Variants in G2E3 observed in about 807,000 individuals in gnomAD.
G2E3 encodes G2/M phase-specific E3 ubiquitin-protein ligase.
In G2E3, 35 loss-of-function variants were observed where a neutral mutation model predicts 92.8. The observed-to-expected ratio is 0.38, with a 90% CI of 0.29 to 0.50. G2E3 has a LOEUF of 0.50. Among genes scored for constraint, G2E3 ranks in the 20% least tolerant of loss-of-function variants. G2E3 has a pLI of 0.94. For missense variants in G2E3, 554 were observed against 823.8 expected (o/e 0.67, Z 4.01); for synonymous variants, 242 against 272.4 (o/e 0.89, Z 1.10).
At chr14:30,597,347 GTTC>G in intron 6 of G2E3, 70 bp from the exon 7 acceptor site, 1 of 795,748 alleles carries the variant, frequency 1.3e-6, no homozygotes, top group South Asian at 1.5e-5. Context: ...AATAGCACAT[GTTC>G]TGTTACATAA....
At chr14:30,588,981 A>G (rs762169893) in intron 3 of G2E3, among the ~76,000 whole-genome samples, 3 of 152,128 alleles carry the variant, frequency 2.0e-5, no homozygotes, top group Non-Finnish European at 4.4e-5. Context: ...TTAGCCTGAA[A>G]TGTCACTGAA....
At chr14:30,579,410 A>G (rs1275962202) in intron 1 of G2E3, among the ~76,000 whole-genome samples, 3 of 152,218 alleles carry the variant, frequency 2.0e-5, no homozygotes, top group African/African-American at 7.2e-5. Flanking sequence ...GATTTGAACT[A>G]TGACTTTTTA....
intron 11 of G2E3, 23 bp from the exon 12 acceptor site, chr14:30,607,863 GAT>G (rs1881904830): frequency 1.5e-6 from 2 of 1,297,522 alleles, no homozygotes; most frequent in Admixed American, 4.1e-5. Context: ...AAGTGTATTT[GAT>G]ATATTTTCAT....
At chr14:30,598,237 C>T (rs1423043174) in intron 7 of G2E3, 7 of 334,304 alleles carry the variant, frequency 2.1e-5, no homozygotes, top group Admixed American at 1.2e-4. Context: ...AATACAAAAA[C>T]CAGCCGGGCA....
At chr14:30,560,941 C>G in intron 1 of G2E3, 2 of 621,056 alleles carry the variant, frequency 3.2e-6, no homozygotes, top group Non-Finnish European at 5.8e-6. Context: ...GCCAGATTGC[C>G]TTGGTTTGAA....
intron 1 of G2E3, among the ~76,000 whole-genome samples, chr14:30,564,925 G>C: frequency 6.6e-6 from 1 of 152,122 alleles, no homozygotes; most frequent in East Asian, 1.9e-4. Flanking sequence ...TTTGTGAATA[G>C]TGCTGCTGTG....
At position 30,618,980 on chromosome 14, in the gene G2E3, T is replaced by G. The variant is rs979167596; in HGVS notation, c.*2446T>G. On this transcript the variant is annotated 3_prime_UTR_variant, in exon 15 of 15. Transcript: ENST00000206595. ...GGCTGTTTTCTCTTGCTCTTAATGTTGAGGAAAACTATAAATTGATCTATA... is the reference window on the plus strand; with the variant it reads ...GGCTGTTTTCTCTTGCTCTTAATGTGGAGGAAAACTATAAATTGATCTATA... 28 of 152,110 alleles carry G rather than the reference T, an allele frequency of 1.8e-4. No individual in the cohort carries two copies. Among genetic ancestry groups the G allele is most frequent in the African/African-American group, 6.3e-4 (26 of 41,460 alleles). The allele number at this position is 152,110 out of a possible 1,614,324, so 9.4% of individuals were successfully genotyped here.
At chr14:30,591,620 A>G (rs186012435) in intron 4 of G2E3, among the ~76,000 whole-genome samples, 13 of 152,198 alleles carry the variant, frequency 8.5e-5, no homozygotes, top group African/African-American at 2.9e-4. Context: ...GCATAACTCC[A>G]ATCTGTTTCT....
At chr14:30,561,445 C>G (rs1594453515) in intron 1 of G2E3, among the ~76,000 whole-genome samples, 1 of 152,152 alleles carries the variant, frequency 6.6e-6, no homozygotes. Context: ...CTTAGCTTTG[C>G]TTTTTATTTA....
At chr14:30,569,744 G>T (rs1200755463) in intron 1 of G2E3, among the ~76,000 whole-genome samples, 1 of 152,064 alleles carries the variant, frequency 6.6e-6, no homozygotes, top group African/African-American at 2.4e-5. Flanking sequence ...CTGGTGAAGG[G>T]GGGGGATTAT....
At chr14:30,559,912 C>G (rs1878988724) in intron 1 of G2E3, 1 of 152,156 alleles carries the variant, frequency 6.6e-6, no homozygotes, top group Non-Finnish European at 1.5e-5. Context: ...ATCCGAGACT[C>G]CTATTTAAAC....
At chr14:30,568,215 A>AT (rs927790758) in intron 1 of G2E3, among the ~76,000 whole-genome samples, 8 of 152,124 alleles carry the variant, frequency 5.3e-5, no homozygotes, top group African/African-American at 1.9e-4. Context: ...TTTGTCTGAC[A>AT]TTAGTATAAA....
intron 4 of G2E3, among the ~76,000 whole-genome samples, chr14:30,590,203 G>A (rs1880926278): frequency 6.6e-6 from 1 of 152,128 alleles, no homozygotes; most frequent in African/African-American, 2.4e-5. Context: ...TTTTCATGGG[G>A]GAGCATTTTG....
At chr14:30,605,024 G>A (rs1057311124) in intron 10 of G2E3, among the ~76,000 whole-genome samples, 1 of 152,138 alleles carries the variant, frequency 6.6e-6, no homozygotes, top group African/African-American at 2.4e-5. Context: ...AGCCTCCTGA[G>A]TAGCTGGGAT....
In G2E3 at chr14:30,608,027, A is replaced by G; in HGVS notation, c.1458A>G (p.Leu486=). The G allele has an allele frequency of 6.3e-7, 1 of 1,599,302 alleles. No individual in the cohort carries two copies. ...GACCAGAAAATACCCAGCCAATTTT[A>G]GATGATGTTTCAGACTTTGATGTGG... ...VYGPENTQPI[L]DDVSDFDVAQ... The change falls in exon 12 of 15, where the codon TTA becomes TTG. Residue 486 remains leucine (L), a synonymous_variant. Coordinates refer to ENST00000206595, the MANE Select transcript of G2E3 (RefSeq NM_017769.5).
At chr14:30,560,817 G>A in intron 1 of G2E3, 1 of 701,912 alleles carries the variant, frequency 1.4e-6, no homozygotes, top group Non-Finnish European at 2.6e-6. Flanking sequence ...GGATGGCATT[G>A]AACAGTCTGC....
At chr14:30,582,791 G>C (rs1225560926) in intron 2 of G2E3, among the ~76,000 whole-genome samples, 1 of 152,144 alleles carries the variant, frequency 6.6e-6, no homozygotes, top group Non-Finnish European at 1.5e-5. Context: ...GAGATACTTC[G>C]AGTTATGACT....
At chr14:30,592,572 T>C (rs117891151) in intron 5 of G2E3, 125 bp downstream of exon 5, 25,064 of 689,528 alleles carry the variant, frequency 0.036, 611 homozygotes, top group Non-Finnish European at 0.042. Context: ...TATAACATTA[T>C]ATGTATTACC....
Position 30,564,103 on chromosome 14 carries a change from C to G in G2E3, c.-5+4831C>G, listed in dbSNP as rs182770141. Among the ~76,000 whole-genome samples the G allele has an allele frequency of 2.2e-3, 330 of 152,226 alleles. 1 individual carries two copies. Among genetic ancestry groups the G allele is most frequent in the Non-Finnish European group, 3.9e-3 (268 of 68,010 alleles). ...AAGTATCTGGTATACAATTTGTATG[C>G]AATAAAAGTCACCCATTTTAGGGGT... On this transcript the variant is annotated intron_variant, in intron 1 of 14. Coordinates refer to ENST00000206595, the MANE Select transcript of G2E3 (RefSeq NM_017769.5).
Sources: allele counts gnomAD v4.1 joint callset (sites outside exome capture counted in the v4.1 genomes callset), GRCh38; gene constraint gnomAD v4.1.1; transcripts MANE v1.5; gene names NCBI Gene and HGNC (gene_info 2026-07-23, HGNC 2026-07-21).